The following IGF2BP3 variants were observed in gnomAD, a reference collection of about 807,000 sequenced individuals.
IGF2BP3 encodes the protein insulin like growth factor 2 mRNA binding protein 3.
Under a neutral mutation model 73.8 loss-of-function variants are expected in IGF2BP3, and 9 were observed. The observed-to-expected ratio is 0.12, with a 90% CI of 0.07 to 0.21. The LOEUF (loss-of-function observed/expected upper bound fraction) is 0.21, where lower values mean the gene tolerates loss of function less well. IGF2BP3 is among the 10% of genes least tolerant of loss of function. The pLI, the probability that IGF2BP3 is intolerant of heterozygous loss-of-function variation, is 1.00. For missense variants in IGF2BP3, 542 were observed against 714.0 expected, an observed-to-expected ratio of 0.76 and a Z score of 2.75; for synonymous variants, 258 against 256.7, an observed-to-expected ratio of 1.01 and a Z score of -0.05.
At chr7:23,335,872 C>T (rs1410950552) in intron 10 of IGF2BP3, among the ~76,000 whole-genome samples, 61 of 152,200 alleles carry the variant, frequency 4.0e-4, no homozygotes, top group South Asian at 2.1e-4. Context: ...TTCTGAAAGG[C>T]GCGTTTCCTG....
chr7:23,375,028 C>A (rs779763502), intron 3 of IGF2BP3, among the ~76,000 whole-genome samples: 1 of 152,096 alleles, frequency 6.6e-6, no homozygotes, highest in Non-Finnish European at 1.5e-5. Context: ...TGTGTATATG[C>A]TCATATATTC....
chr7:23,372,318 C>T (rs920819257), intron 3 of IGF2BP3, among the ~76,000 whole-genome samples: 2 of 152,046 alleles, frequency 1.3e-5, no homozygotes, highest in East Asian at 1.9e-4. Context: ...CGTGATCTGC[C>T]CCCCCTGGCC....
At chr7:23,465,015 A>C (rs952247621) in intron 2 of IGF2BP3, among the ~76,000 whole-genome samples, 6 of 152,212 alleles carry the variant, frequency 3.9e-5, no homozygotes, top group African/African-American at 1.4e-4. Context: ...AATTGAACTA[A>C]AACCACCATC....
At chr7:23,454,652 A>C (rs1206926573) in intron 2 of IGF2BP3, among the ~76,000 whole-genome samples, 1 of 152,198 alleles carries the variant, frequency 6.6e-6, no homozygotes, top group Non-Finnish European at 1.5e-5. Flanking sequence ...CAGTTTGCAC[A>C]AGATCACAGG....
At chr7:23,379,799 A>G (rs1158809606) in intron 3 of IGF2BP3, among the ~76,000 whole-genome samples, 1 of 152,188 alleles carries the variant, frequency 6.6e-6, no homozygotes, top group Non-Finnish European at 1.5e-5. Flanking sequence ...CGCCACTCCC[A>G]GTCCATACTT....
intron 3 of IGF2BP3, among the ~76,000 whole-genome samples, chr7:23,391,664 C>T (rs1395707939): frequency 6.6e-6 from 1 of 152,132 alleles, no homozygotes; most frequent in African/African-American, 2.4e-5. Flanking sequence ...CAAGTATCAC[C>T]AAAGGCAGAA....
At chr7:23,351,162 A>G in intron 6 of IGF2BP3, 143 bp downstream of exon 6, 1 of 818,458 alleles carries the variant, frequency 1.2e-6, no homozygotes, top group South Asian at 1.9e-5. Context: ...AAGATACTGC[A>G]AGATTTTTAC....
intron 10 of IGF2BP3, among the ~76,000 whole-genome samples, chr7:23,337,815 G>A (rs1235352141): frequency 6.6e-6 from 1 of 152,166 alleles, no homozygotes; most frequent in Non-Finnish European, 1.5e-5. Flanking sequence ...GACTACAGGT[G>A]TCTGTCACCA....
At chr7:23,380,554 C>G (rs1053132927) in intron 3 of IGF2BP3, among the ~76,000 whole-genome samples, 1 of 152,166 alleles carries the variant, frequency 6.6e-6, no homozygotes, top group African/African-American at 2.4e-5. Context: ...CCACTCCCAA[C>G]TGATTCCCTA....
chr7:23,339,092 T>C (rs929998421), intron 10 of IGF2BP3, among the ~76,000 whole-genome samples: 1 of 152,266 alleles, frequency 6.6e-6, no homozygotes, highest in Non-Finnish European at 1.5e-5. Context: ...TCTTGCCCTG[T>C]GGCAGTGTTT....
chr7:23,322,389 C>T (rs563409328), intron 10 of IGF2BP3, among the ~76,000 whole-genome samples: 159 of 152,158 alleles, frequency 1.0e-3, no homozygotes, highest in Middle Eastern at 3.4e-3. Flanking sequence ...TAAAAAGAAA[C>T]GAGCAAAGCC....
intron 8 of IGF2BP3, among the ~76,000 whole-genome samples, chr7:23,345,447 G>A (rs974138392): frequency 3.3e-5 from 5 of 152,210 alleles, no homozygotes; most frequent in African/African-American, 9.6e-5. Flanking sequence ...AAGCAGCTCT[G>A]TGGAGAAGCC....
At chr7:23,371,477 T>C (rs1583950272) in intron 3 of IGF2BP3, among the ~76,000 whole-genome samples, 1 of 152,318 alleles carries the variant, frequency 6.6e-6, no homozygotes, top group Admixed American at 6.5e-5. Context: ...CAAATAATCA[T>C]TTCCAGTTAA....
At chr7:23,405,607 T>G (rs532146953) in intron 3 of IGF2BP3, among the ~76,000 whole-genome samples, 3 of 152,262 alleles carry the variant, frequency 2.0e-5, no homozygotes, top group East Asian at 1.9e-4. Context: ...TCCTGTCAGA[T>G]CAGCAATGGC....
intron 11 of IGF2BP3, among the ~76,000 whole-genome samples, chr7:23,318,426 T>C (rs1784050275): frequency 6.6e-6 from 1 of 152,012 alleles, no homozygotes; most frequent in African/African-American, 2.4e-5. Flanking sequence ...GGTCTCACCA[T>C]GTTGCACAGT....
chr7:23,372,355 G>C (rs1040794148), intron 3 of IGF2BP3, among the ~76,000 whole-genome samples: 1 of 152,184 alleles, frequency 6.6e-6, no homozygotes, highest in Non-Finnish European at 1.5e-5. Flanking sequence ...TTACAGGTGT[G>C]AGCCACTGTG....
rs1784363079 is a variant in IGF2BP3 at position 23,328,574 on chromosome 7, A to G, written c.1204-9320T>C. Among the ~76,000 whole-genome samples, 5 of 152,254 alleles carry G rather than the reference A, an allele frequency of 3.3e-5. No homozygotes were observed. The South Asian group carries it at 1.0e-3, about 31-fold the overall frequency. The stretch of plus-strand genomic sequence containing the variant: ...AGGGCTGGTTCTTTGAATATAAGGA[A>G]TAACTTTTGCCTATTTTCCAATAAA... On this transcript the variant is annotated intron_variant, in intron 10 of 14. Coordinates refer to ENST00000258729, the MANE Select transcript of IGF2BP3 (RefSeq NM_006547.3).
At chr7:23,319,071 G>A in intron 11 of IGF2BP3, 67 bp downstream of exon 11, 1 of 988,034 alleles carries the variant, frequency 1.0e-6, no homozygotes, top group East Asian at 2.4e-5. Flanking sequence ...ATTATAAAGT[G>A]GCAAGAAGAT....
chr7:23,417,547 C>T (rs1305789531), intron 3 of IGF2BP3, among the ~76,000 whole-genome samples: 1 of 152,166 alleles, frequency 6.6e-6, no homozygotes, highest in Non-Finnish European at 1.5e-5. Context: ...TATGCTAGTA[C>T]TCTAATAATT....
Sources: gnomAD v4.1 joint callset for allele counts (sites outside exome capture counted in the v4.1 genomes callset) on GRCh38, gnomAD v4.1.1 for gene constraint, MANE v1.5 for transcripts, NCBI Gene and HGNC (gene_info 2026-07-23, HGNC 2026-07-21) for gene names.